C20orf203: variants seen among roughly 807,000 people sequenced by gnomAD.
The protein encoded by C20orf203 is chromosome 20 open reading frame 203.
A neutral mutation model predicts 15.9 loss-of-function variants in C20orf203; 16 were observed. The observed-to-expected ratio is 1.01, with a 90% CI of 0.68 to 1.53. The LOEUF is 1.53. Among genes scored for constraint, C20orf203 ranks in the 40% most tolerant of loss-of-function variants. C20orf203 has a pLI of 0.00. For synonymous variants in C20orf203, 98 were observed against 97.2 expected (o/e 1.01, Z -0.05); for missense variants, 263 against 247.5 (o/e 1.06, Z -0.42).
At chr20:32,660,763 C>T (rs186990899) in intron 1 of C20orf203, among the ~76,000 whole-genome samples, 33 of 152,264 alleles carry the variant, frequency 2.2e-4, no homozygotes, top group Admixed American at 2.1e-3. Context: ...TTAATTGACT[C>T]ACAGTACTGC....
At chr20:32,640,947 G>T (rs965349499) in intron 4 of C20orf203, among the ~76,000 whole-genome samples, 1 of 152,092 alleles carries the variant, frequency 6.6e-6, no homozygotes, top group African/African-American at 2.4e-5. Context: ...AGCTTCATCC[G>T]TATTGTAGCA....
chr20:32,653,035 C>A (rs774973456), intron 1 of C20orf203, among the ~76,000 whole-genome samples: 5 of 152,214 alleles, frequency 3.3e-5, no homozygotes, highest in African/African-American at 1.2e-4. Context: ...GGAAAATAGG[C>A]GCTGCTCTCA....
At chr20:32,658,310 CT>C (rs1009334516) in intron 1 of C20orf203, among the ~76,000 whole-genome samples, 1 of 152,120 alleles carries the variant, frequency 6.6e-6, no homozygotes, top group Admixed American at 6.5e-5. Flanking sequence ...TTAGGGTACT[CT>C]TTTTATTTTT....
chr20:32,650,745 C>G lies in C20orf203; in HGVS notation c.272G>C (p.Gly91Ala), dbSNP rs1476967794. The part of the protein sequence containing the change: ...QRQPPPPQHP[G>A]PYQERIWVGG... ...AACCCAAATCCTTTCCTGATAAGGG[C>G]CTGGGTGTTGCGGAGGAGGAGGCTG... The change falls in exon 4 of 6, where the codon GGC (glycine) becomes GCC (alanine). Residue 91 changes from glycine (G) to alanine (A), a missense_variant. Physicochemically the swap from Gly to Ala is moderately conservative, Grantham distance 60. Coordinates refer to ENST00000608990, the MANE Select transcript of C20orf203 (RefSeq NM_182584.4). 6.5e-7 allele frequency: 1 copy of G among 1,535,198 alleles called. No individual in the cohort carries two copies. Among genetic ancestry groups the G allele is most frequent in the Non-Finnish European group, 8.8e-7 (1 of 1,138,656 alleles).
intron 5 of C20orf203, among the ~76,000 whole-genome samples, chr20:32,638,830 G>A (rs935622248): frequency 6.6e-6 from 1 of 152,128 alleles, no homozygotes; most frequent in African/African-American, 2.4e-5. Context: ...AGGGGGGGCG[G>A]GCAGCATCCC....
chr20:32,650,932 C>T, intron 3 of C20orf203, 51 bp from the exon 4 acceptor site: 1 of 1,443,896 alleles, frequency 6.9e-7, no homozygotes, highest in Non-Finnish European at 9.1e-7. Flanking sequence ...GTACCTGAGA[C>T]TCGCAAGGGG....
intron 1 of C20orf203, among the ~76,000 whole-genome samples, chr20:32,672,789 C>A (rs1213677141): frequency 1.3e-5 from 2 of 151,994 alleles, no homozygotes; most frequent in African/African-American, 4.8e-5. Flanking sequence ...TCACACAGTT[C>A]CAGAAAAGTG....
At chr20:32,647,772 G>T (rs1442357657) in intron 4 of C20orf203, among the ~76,000 whole-genome samples, 1 of 152,172 alleles carries the variant, frequency 6.6e-6, no homozygotes, top group African/African-American at 2.4e-5. Flanking sequence ...GGAGTTGAAA[G>T]GGTGAAACTA....
At chr20:32,673,273 G>T (rs976358479) in intron 1 of C20orf203, among the ~76,000 whole-genome samples, 7 of 152,190 alleles carry the variant, frequency 4.6e-5, no homozygotes, top group Admixed American at 2.6e-4. Context: ...CCCTGTGGCT[G>T]CCATGGGGGA....
rs954566410 is a variant in C20orf203, at chr20:32,632,175, C to A, written c.*3395G>T. 1 of 152,266 alleles carries A rather than the reference C, an allele frequency of 6.6e-6. No individual in the cohort carries two copies. The highest frequency in any genetic ancestry group is 1.5e-5 in the Non-Finnish European group (1 of 68,060). The allele number at this position is 152,266 out of a possible 1,614,324, so 9.4% of individuals were successfully genotyped here. On this transcript the variant is annotated 3_prime_UTR_variant, in exon 6 of 6. Transcript: ENST00000608990. Reference sequence around the variant, plus strand: ...GCATTTGAGCCTCACAAATACCGCACTGGGGGAGGCAACAGCCCGTCTGTG... The same window carrying A: ...GCATTTGAGCCTCACAAATACCGCAATGGGGGAGGCAACAGCCCGTCTGTG...
chr20:32,654,461 AC>A (rs1445583767), intron 1 of C20orf203, among the ~76,000 whole-genome samples: 2 of 152,202 alleles, frequency 1.3e-5, no homozygotes, highest in African/African-American at 2.4e-5. Flanking sequence ...CAAAATTCCA[AC>A]TTGGTTCTTT....
intron 1 of C20orf203, among the ~76,000 whole-genome samples, chr20:32,654,507 G>A (rs1982710229): frequency 6.6e-6 from 1 of 152,074 alleles, no homozygotes; most frequent in Admixed American, 6.6e-5. Flanking sequence ...AAATTCATAT[G>A]GAAATTTAAG....
intron 5 of C20orf203, among the ~76,000 whole-genome samples, chr20:32,635,015 T>A (rs1237206728): frequency 1.3e-5 from 2 of 151,822 alleles, no homozygotes; most frequent in Non-Finnish European, 2.9e-5. Context: ...GCCTGGCCCA[T>A]GTGGCAAAAC....
At chr20:32,666,633 T>C (rs1449220978) in intron 1 of C20orf203, among the ~76,000 whole-genome samples, 1 of 145,956 alleles carries the variant, frequency 6.9e-6, no homozygotes, top group Non-Finnish European at 1.5e-5. Context: ...TGTGGTGGCA[T>C]GTGCCTGTAG....
At chr20:32,673,197 G>C (rs1402758801) in intron 1 of C20orf203, among the ~76,000 whole-genome samples, 1 of 152,156 alleles carries the variant, frequency 6.6e-6, no homozygotes, top group Admixed American at 6.5e-5. Context: ...CCCAGGGCTG[G>C]TACAAACGGC....
intron 4 of C20orf203, among the ~76,000 whole-genome samples, chr20:32,647,482 T>A (rs1982470037): frequency 6.6e-6 from 1 of 151,536 alleles, no homozygotes; most frequent in African/African-American, 2.4e-5. Flanking sequence ...GGTGGGAGGA[T>A]CACTTGAGGC....
chr20:32,663,281 A>G (rs1031103052), intron 1 of C20orf203, among the ~76,000 whole-genome samples: 1 of 152,010 alleles, frequency 6.6e-6, no homozygotes, highest in African/African-American at 2.4e-5. Flanking sequence ...TTTAAAAACT[A>G]CTGAATTCCC....
intron 1 of C20orf203, among the ~76,000 whole-genome samples, chr20:32,671,026 A>C (rs1477145328): frequency 6.6e-6 from 1 of 152,008 alleles, no homozygotes; most frequent in African/African-American, 2.4e-5. Context: ...AAAAAAAAAA[A>C]AAACAACAGT....
chr20:32,652,635 G>A (rs1266916210), intron 1 of C20orf203, among the ~76,000 whole-genome samples: 1 of 151,902 alleles, frequency 6.6e-6, no homozygotes, highest in Non-Finnish European at 1.5e-5. Context: ...CGGATGCTGT[G>A]GTTTTTGGAG....
Sources: allele counts gnomAD v4.1 joint callset (sites outside exome capture counted in the v4.1 genomes callset), GRCh38; gene constraint gnomAD v4.1.1; transcripts MANE v1.5; gene names NCBI Gene and HGNC (gene_info 2026-07-23, HGNC 2026-07-21).